AFAP1L2: variants seen among roughly 807,000 people sequenced by gnomAD.
AFAP1L2 encodes actin filament-associated protein 1-like 2.
In AFAP1L2, 46 loss-of-function variants were observed where a neutral mutation model predicts 99.3. The ratio of observed to expected loss-of-function variants is 0.46; its 90% CI spans 0.37 to 0.59. AFAP1L2 has a LOEUF of 0.59. AFAP1L2 is among the 20% of genes least tolerant of loss of function. The pLI, the probability that AFAP1L2 is intolerant of heterozygous loss-of-function variation, is 0.00. For missense variants in AFAP1L2, 959 were observed against 1,034.9 expected (o/e 0.93, Z 1.01); for synonymous variants, 397 against 419.1 (o/e 0.95, Z 0.64).
intron 1 of AFAP1L2, among the ~76,000 whole-genome samples, chr10:114,393,992 G>A (rs998757339): frequency 2.6e-5 from 4 of 152,174 alleles, no homozygotes; most frequent in Non-Finnish European, 2.9e-5. Context: ...TTGGGATGGC[G>A]GTGGGAGGAG....
chr10:114,313,663 C>G (rs528237974), intron 7 of AFAP1L2, among the ~76,000 whole-genome samples: 11 of 152,312 alleles, frequency 7.2e-5, no homozygotes, highest in African/African-American at 2.4e-4. Context: ...CAACTGCACC[C>G]AAGTCCGGGC....
chr10:114,335,412 A>G (rs2047802872), intron 2 of AFAP1L2, among the ~76,000 whole-genome samples: 1 of 152,128 alleles, frequency 6.6e-6, no homozygotes, highest in African/African-American at 2.4e-5. Context: ...GGAGATCGAG[A>G]CCATCCTGGC....
At chr10:114,301,965 A>G in intron 12 of AFAP1L2, 1 of 265,282 alleles carries the variant, frequency 3.8e-6, no homozygotes, top group Non-Finnish European at 7.3e-6. Context: ...TCATCTGGAA[A>G]CAGAAGCACC....
intron 4 of AFAP1L2, among the ~76,000 whole-genome samples, chr10:114,327,450 A>C (rs1031465997): frequency 1.3e-5 from 2 of 151,928 alleles, no homozygotes; most frequent in Non-Finnish European, 2.9e-5. Flanking sequence ...TGAATATTAA[A>C]TGAAGATCCA....
At chr10:114,372,971 C>T (rs557667778) in intron 1 of AFAP1L2, among the ~76,000 whole-genome samples, 166 of 152,338 alleles carry the variant, frequency 1.1e-3, no homozygotes, top group Non-Finnish European at 2.0e-3. Context: ...TTACCAGCTA[C>T]GTGGTATTCC....
intron 11 of AFAP1L2, among the ~76,000 whole-genome samples, chr10:114,302,944 TAAC>T (rs1218951504): frequency 3.9e-5 from 6 of 152,182 alleles, no homozygotes; most frequent in African/African-American, 9.7e-5. Context: ...CCCCAAGAAA[TAAC>T]AACATTCAAA....
chr10:114,326,338 C>T (rs182004799), intron 4 of AFAP1L2, among the ~76,000 whole-genome samples: 1 of 152,330 alleles, frequency 6.6e-6, no homozygotes, highest in Non-Finnish European at 1.5e-5. Context: ...CACTAGCTGC[C>T]TCATCCATTG....
At chr10:114,350,751 G>A (rs1490045792) in intron 1 of AFAP1L2, among the ~76,000 whole-genome samples, 1 of 152,168 alleles carries the variant, frequency 6.6e-6, no homozygotes, top group African/African-American at 2.4e-5. Flanking sequence ...AGGGCATGGA[G>A]GTGGCTTGCT....
At chr10:114,401,536 G>A (rs2058231932) in intron 1 of AFAP1L2, among the ~76,000 whole-genome samples, 1 of 152,184 alleles carries the variant, frequency 6.6e-6, no homozygotes, top group Non-Finnish European at 1.5e-5. Context: ...ACGCCAAAGA[G>A]ATTCACATAC....
intron 1 of AFAP1L2, among the ~76,000 whole-genome samples, chr10:114,385,791 T>C (rs1421131864): frequency 6.6e-6 from 1 of 152,204 alleles, no homozygotes; most frequent in Non-Finnish European, 1.5e-5. Context: ...GACATCTCCC[T>C]GAGCAAAGCA....
At chr10:114,347,986 C>T (rs1401797862) in intron 1 of AFAP1L2, among the ~76,000 whole-genome samples, 1 of 152,186 alleles carries the variant, frequency 6.6e-6, no homozygotes, top group Non-Finnish European at 1.5e-5. Flanking sequence ...TCCCCCTAGG[C>T]TCAGATGCTG....
rs10536165 is a variant in AFAP1L2 at position 114,294,856 on chromosome 10, C to CCTAA, written c.*1182_*1185dup. On this transcript the variant is annotated 3_prime_UTR_variant, in exon 19 of 19. Coordinates refer to ENST00000304129, the MANE Select transcript of AFAP1L2 (RefSeq NM_001001936.3). Reference sequence around the variant, plus strand: ...ACAATGAACATTTTATTTTAAAAAACCTAACTAACTCACCACTTGGTAAAA... The same window carrying CCTAA: ...ACAATGAACATTTTATTTTAAAAAACCTAACTAACTAACTCACCACTTGGTAAAA... 6 of 982,224 alleles carry CCTAA rather than the reference C, an allele frequency of 6.1e-6. No individual in the cohort carries two copies. Among genetic ancestry groups the CCTAA allele is most frequent in the African/African-American group, 1.8e-5 (1 of 56,934 alleles). The allele number at this position is 982,224 out of a possible 1,614,324, so 60.8% of individuals were successfully genotyped here. A position where few individuals can be genotyped will look rare whatever the true frequency, so the allele number is the denominator to read the frequency against.
At chr10:114,395,428 C>T (rs781387903) in intron 1 of AFAP1L2, among the ~76,000 whole-genome samples, 6 of 152,196 alleles carry the variant, frequency 3.9e-5, no homozygotes, top group Non-Finnish European at 7.3e-5. Context: ...AGAAGAGTTC[C>T]TTCCAAAAGG....
chr10:114,385,639 C>T (rs1434135863), intron 1 of AFAP1L2, among the ~76,000 whole-genome samples: 1 of 152,140 alleles, frequency 6.6e-6, no homozygotes. Context: ...CCCTGGATGC[C>T]TGCCTCCCTG....
rs1491529827 is a variant in AFAP1L2 at position 114,327,174 on chromosome 10, T to TATA, written c.316-3914_316-3913insTAT. 4.5e-3 allele frequency among the ~76,000 whole-genome samples: 274 copies of TATA among 60,596 alleles called. 5 individuals carry two copies. Among genetic ancestry groups the TATA allele is most frequent in the African/African-American group, 0.011 (232 of 21,850 alleles). The allele number at this position is 60,596 out of a possible 152,430, so 39.8% of individuals were successfully genotyped here. A position where few individuals can be genotyped will look rare whatever the true frequency, so the allele number is the denominator to read the frequency against. On this transcript the variant is annotated intron_variant, in intron 4 of 18. Coordinates refer to ENST00000304129, the MANE Select transcript of AFAP1L2 (RefSeq NM_001001936.3). ...ATATATATATATATATATATATATATTTTTTTTTTAGGCAGAGTCTCACTG... is the reference window on the plus strand; with the variant it reads ...ATATATATATATATATATATATATATATATTTTTTTTTAGGCAGAGTCTCACTG...
intron 6 of AFAP1L2, 95 bp from the exon 7 acceptor site, chr10:114,314,145 C>T: frequency 7.8e-7 from 1 of 1,283,724 alleles, no homozygotes; most frequent in Middle Eastern, 2.2e-4. Context: ...GCAGGACTCA[C>T]CAAGAGCCTG....
the AFAP1L2 span, among the ~76,000 whole-genome samples, chr10:114,283,497 A>T: frequency 2.0e-5 from 3 of 152,154 alleles, no homozygotes. Flanking sequence ...AGCACAGGAG[A>T]ATCTGAGAGT....
chr10:114,297,121 C>G, intron 17 of AFAP1L2, 21 bp from the exon 18 acceptor site: 2 of 1,613,644 alleles, frequency 1.2e-6, no homozygotes, highest in South Asian at 2.2e-5. Context: ...AGGAGGAGAG[C>G]AAGGGCTGAG....
chr10:114,305,953 G>T (rs1160371608), intron 10 of AFAP1L2, among the ~76,000 whole-genome samples: 1 of 101,940 alleles, frequency 9.8e-6, no homozygotes, highest in Non-Finnish European at 1.9e-5. Context: ...AGGAGATGCA[G>T]ATGCAGGGGG....
Sources: gnomAD v4.1 joint callset for allele counts (sites outside exome capture counted in the v4.1 genomes callset) on GRCh38, gnomAD v4.1.1 for gene constraint, MANE v1.5 for transcripts, NCBI Gene and HGNC (gene_info 2026-07-23, HGNC 2026-07-21) for gene names.